The following GRID2 variants were observed in gnomAD, a reference collection of about 807,000 sequenced individuals.
GRID2 encodes glutamate ionotropic receptor delta type subunit 2.
GRID2 carries 33 observed loss-of-function variants against 114.8 expected under a neutral mutation model. That is an observed-to-expected ratio of 0.29 (90% confidence interval 0.22 to 0.38). The LOEUF (loss-of-function observed/expected upper bound fraction) is 0.38, where lower values mean the gene tolerates loss of function less well. Among genes scored for constraint, GRID2 ranks in the 10% least tolerant of loss-of-function variants. The pLI is 1.00. For synonymous variants in GRID2, 505 were observed against 449.9 expected (o/e 1.12, Z -1.55); for missense variants, 1,184 against 1,257.7 (o/e 0.94, Z 0.89).
chr4:92,903,738 A>G (rs1747750598), intron 2 of GRID2, among the ~76,000 whole-genome samples: 1 of 151,964 alleles, frequency 6.6e-6, no homozygotes, highest in Non-Finnish European at 1.5e-5. Flanking sequence ...TAAGTCTACT[A>G]ATTTCTCTAA....
intron 2 of GRID2, among the ~76,000 whole-genome samples, chr4:92,829,015 T>A (rs1405535743): frequency 6.6e-6 from 1 of 152,174 alleles, no homozygotes; most frequent in Non-Finnish European, 1.5e-5. Context: ...GCTCTTTAGT[T>A]TAATTAGATC....
intron 14 of GRID2, among the ~76,000 whole-genome samples, chr4:93,708,710 ATC>A (rs1217890459): frequency 2.6e-5 from 4 of 151,802 alleles, no homozygotes; most frequent in African/African-American, 7.3e-5. Flanking sequence ...CCAATTTATT[ATC>A]TGTTTTCAGA....
intron 8 of GRID2, among the ~76,000 whole-genome samples, chr4:93,313,030 T>C (rs556245751): frequency 1.3e-5 from 2 of 152,334 alleles, no homozygotes; most frequent in African/African-American, 4.8e-5. Context: ...TATGCTTAGC[T>C]ACTAAGATAC....
At chr4:93,354,009 A>C (rs1440740978) in intron 8 of GRID2, among the ~76,000 whole-genome samples, 2 of 142,392 alleles carry the variant, frequency 1.4e-5, no homozygotes, top group African/African-American at 5.8e-5. Flanking sequence ...AAATGTACAC[A>C]CAAGCACACA....
chr4:92,910,201 G>C (rs1748264467), intron 2 of GRID2, among the ~76,000 whole-genome samples: 1 of 150,580 alleles, frequency 6.6e-6, no homozygotes, highest in Non-Finnish European at 1.5e-5. Flanking sequence ...GGAGTGGTTT[G>C]AAAAAAATAA....
intron 8 of GRID2, among the ~76,000 whole-genome samples, chr4:93,347,868 A>T (rs1359925779): frequency 6.6e-6 from 1 of 152,170 alleles, no homozygotes; most frequent in Admixed American, 6.6e-5. Context: ...GTTGAAAAAA[A>T]TGAAAGCTGG....
intron 2 of GRID2, among the ~76,000 whole-genome samples, chr4:92,755,172 T>A (rs2149341606): frequency 6.6e-6 from 1 of 152,320 alleles, no homozygotes; most frequent in South Asian, 2.1e-4. Context: ...CTTTCTGGCT[T>A]TTGACTGAAC....
chr4:93,740,258 A>G (rs571296723), intron 14 of GRID2, among the ~76,000 whole-genome samples: 1 of 152,276 alleles, frequency 6.6e-6, no homozygotes, highest in African/African-American at 2.4e-5. Context: ...GTTTGTGTTA[A>G]GTTTACTCTC....
intron 2 of GRID2, among the ~76,000 whole-genome samples, chr4:92,671,932 G>A (rs1351681759): frequency 6.6e-6 from 1 of 152,022 alleles, no homozygotes; most frequent in Non-Finnish European, 1.5e-5. Flanking sequence ...ATGGTTTCAG[G>A]ATACTCTTAC....
chr4:92,747,633 G>T (rs1400394948), intron 2 of GRID2, among the ~76,000 whole-genome samples: 1 of 151,854 alleles, frequency 6.6e-6, no homozygotes, highest in Non-Finnish European at 1.5e-5. Context: ...TCTAAATATG[G>T]TATTCTTTTA....
intron 2 of GRID2, among the ~76,000 whole-genome samples, chr4:92,781,495 A>G (rs1739074457): frequency 2.0e-5 from 3 of 152,110 alleles, no homozygotes. Context: ...GAAATCTTCA[A>G]AGTGATAAAA....
intron 2 of GRID2, among the ~76,000 whole-genome samples, chr4:92,761,032 T>C (rs1003557702): frequency 2.6e-5 from 4 of 152,154 alleles, no homozygotes; most frequent in African/African-American, 4.8e-5. Context: ...TAAACCTCTA[T>C]TTCATGTGTT....
chr4:92,947,508 T>A (rs554440717), intron 2 of GRID2, among the ~76,000 whole-genome samples: 73 of 151,970 alleles, frequency 4.8e-4, no homozygotes, highest in Non-Finnish European at 1.5e-4. Flanking sequence ...GGGATTTTTA[T>A]TAGTAAAGAA....
chr4:93,702,285 G>A (rs1727581300), intron 14 of GRID2, among the ~76,000 whole-genome samples: 2 of 151,980 alleles, frequency 1.3e-5, no homozygotes. Flanking sequence ...ACAAATAATT[G>A]TTTTGCTTAT....
intron 4 of GRID2, among the ~76,000 whole-genome samples, chr4:93,195,569 GAC>G (rs1741404224): frequency 6.6e-6 from 1 of 152,160 alleles, no homozygotes; most frequent in South Asian, 2.1e-4. Context: ...GAGAAGATGA[GAC>G]ACAGCACTTG....
chr4:92,634,153 T>C (rs1730949804), intron 2 of GRID2, among the ~76,000 whole-genome samples: 2 of 152,010 alleles, frequency 1.3e-5, no homozygotes, highest in South Asian at 4.1e-4. Flanking sequence ...CATAATGTTG[T>C]AAGAAAGTTT....
At chr4:93,267,935 C>T (rs1751033294) in intron 8 of GRID2, among the ~76,000 whole-genome samples, 1 of 152,156 alleles carries the variant, frequency 6.6e-6, no homozygotes, top group Non-Finnish European at 1.5e-5. Flanking sequence ...CTGCTACTCC[C>T]CAAGTCAGAT....
intron 8 of GRID2, among the ~76,000 whole-genome samples, chr4:93,350,206 C>T (rs962555960): frequency 1.3e-5 from 2 of 152,252 alleles, no homozygotes; most frequent in East Asian, 3.9e-4. Flanking sequence ...CCACTGCCTG[C>T]AGCATAAAGG....
At chr4:92,650,564 T>C (rs1279039995) in intron 2 of GRID2, among the ~76,000 whole-genome samples, 1 of 151,990 alleles carries the variant, frequency 6.6e-6, no homozygotes, top group Non-Finnish European at 1.5e-5. Flanking sequence ...AATTCCCTTC[T>C]TTGCCTGTTG....
Sources: allele counts gnomAD v4.1 joint callset (sites outside exome capture counted in the v4.1 genomes callset), GRCh38; gene constraint gnomAD v4.1.1; transcripts MANE v1.5; gene names NCBI Gene and HGNC (gene_info 2026-07-23, HGNC 2026-07-21).